Variants in CLYBL observed in about 807,000 individuals in gnomAD.
The protein encoded by CLYBL is citramalyl-CoA lyase, mitochondrial.
A neutral mutation model predicts 38.9 loss-of-function variants in CLYBL; 31 were observed. That is an observed-to-expected ratio of 0.80 (90% CI 0.60 to 1.08). The LOEUF (loss-of-function observed/expected upper bound fraction) is 1.08, where lower values mean the gene tolerates loss of function less well. Among genes scored for constraint, CLYBL ranks in the 50% least tolerant of loss-of-function variants. CLYBL has a pLI of 0.00. For synonymous variants in CLYBL, 171 were observed against 158.6 expected, an observed-to-expected ratio of 1.08 and a Z score of -0.59; for missense variants, 434 against 411.6, an observed-to-expected ratio of 1.05 and a Z score of -0.47.
intron 2 of CLYBL, among the ~76,000 whole-genome samples, chr13:99,812,037 T>C (rs373793300): frequency 7.2e-5 from 11 of 152,342 alleles, no homozygotes; most frequent in African/African-American, 2.4e-4. Flanking sequence ...AAAAGTTTTA[T>C]TATTAAGTTT....
chr13:99,828,127 A>G (rs1462212566), intron 2 of CLYBL, among the ~76,000 whole-genome samples: 1 of 152,202 alleles, frequency 6.6e-6, no homozygotes, highest in Non-Finnish European at 1.5e-5. Flanking sequence ...AAATAACACC[A>G]TAGAGTTTTT....
chr13:99,745,207 T>TA (rs2048827944), intron 1 of CLYBL, among the ~76,000 whole-genome samples: 1 of 152,254 alleles, frequency 6.6e-6, no homozygotes, highest in African/African-American at 2.4e-5. Flanking sequence ...TTGCCATTGT[T>TA]ACAGAAAATG....
chr13:99,692,171 C>T (rs1288973519), intron 1 of CLYBL, among the ~76,000 whole-genome samples: 3 of 152,256 alleles, frequency 2.0e-5, no homozygotes, highest in Non-Finnish European at 2.9e-5. Context: ...ATTACATATG[C>T]CAGCCCTGCC....
rs2052182809 is a variant in CLYBL, at chr13:99,880,721, C to G, written c.927+9659C>G. The stretch of plus-strand genomic sequence containing the variant: ...GAGAAGATGATCCCCCATGCCTGCT[C>G]AGACCATCACTGACCTGGCAGGTGG... On this transcript the variant is annotated intron_variant, in intron 7 of 8. Transcript: ENST00000339105. Among the ~76,000 whole-genome samples the G allele has an allele frequency of 2.0e-5, 3 of 152,252 alleles. No individual in the cohort carries two copies. In the South Asian group the frequency reaches 6.2e-4, roughly 32 times the overall value.
intron 2 of CLYBL, among the ~76,000 whole-genome samples, chr13:99,808,237 C>G (rs930591127): frequency 6.6e-6 from 1 of 152,146 alleles, no homozygotes; most frequent in Admixed American, 6.5e-5. Flanking sequence ...AGGCCCACAC[C>G]CCCACTCCAG....
chr13:99,772,297 C>T (rs2049412443), intron 1 of CLYBL, among the ~76,000 whole-genome samples: 1 of 152,114 alleles, frequency 6.6e-6, no homozygotes, highest in Non-Finnish European at 1.5e-5. Flanking sequence ...GTAAACAGTC[C>T]TATCTATTTT....
chr13:99,884,712 A>G, intron 7 of CLYBL, among the ~76,000 whole-genome samples: 1 of 152,310 alleles, frequency 6.6e-6, no homozygotes, highest in East Asian at 1.9e-4. Flanking sequence ...TAGGCTCTGC[A>G]TCCATGTCAA....
chr13:99,720,376 T>A (rs1360329096), intron 1 of CLYBL, among the ~76,000 whole-genome samples: 1 of 151,284 alleles, frequency 6.6e-6, no homozygotes, highest in Non-Finnish European at 1.5e-5. Flanking sequence ...TTTTGGTTCA[T>A]TTTTTTTTCA....
intron 5 of CLYBL, 148 bp from the exon 6 acceptor site, chr13:99,866,092 C>A: frequency 1.3e-6 from 1 of 778,084 alleles, no homozygotes; most frequent in South Asian, 1.7e-5. Flanking sequence ...GCGTCCCTGT[C>A]TTCATTTGTA....
chr13:99,679,383 A>G (rs1484577126), intron 1 of CLYBL, among the ~76,000 whole-genome samples: 1 of 152,162 alleles, frequency 6.6e-6, no homozygotes, highest in East Asian at 1.9e-4. Flanking sequence ...CCCTGGATAC[A>G]TGTCAGAAAA....
rs116404911 is a variant in CLYBL at position 99,622,156 on chromosome 13, C to G, written c.62+15399C>G. On this transcript the variant is annotated intron_variant, in intron 1 of 8. Coordinates refer to ENST00000339105, the MANE Select transcript of CLYBL (RefSeq NM_206808.5). ...TCTGCCACCCTTTTCCACTTAGAAG[C>G]ACCCTTGTGATTACGTTGGCCCCAC... Among the ~76,000 whole-genome samples, 781 of 152,366 alleles carry G rather than the reference C, an allele frequency of 5.1e-3. 5 individuals carry two copies. Among genetic ancestry groups the G allele is most frequent in the African/African-American group, 0.018 (741 of 41,580 alleles).
At chr13:99,609,142 C>G (rs1245457751) in intron 1 of CLYBL, among the ~76,000 whole-genome samples, 1 of 140,170 alleles carries the variant, frequency 7.1e-6, no homozygotes, top group Non-Finnish European at 1.5e-5. Flanking sequence ...GTTCCTCAGG[C>G]TGGACAATGT....
intron 1 of CLYBL, among the ~76,000 whole-genome samples, chr13:99,624,153 C>T (rs531197159): frequency 1.3e-5 from 2 of 152,134 alleles, no homozygotes; most frequent in Admixed American, 6.5e-5. Context: ...CTCAGAGCAC[C>T]CCGTTCTTCA....
chr13:99,754,952 C>T (rs2049033389), intron 1 of CLYBL, among the ~76,000 whole-genome samples: 1 of 150,928 alleles, frequency 6.6e-6, no homozygotes, highest in Non-Finnish European at 1.5e-5. Context: ...GGCTGAAGTG[C>T]AGTGGCGCAA....
intron 1 of CLYBL, among the ~76,000 whole-genome samples, chr13:99,694,691 A>G (rs181901977): frequency 6.6e-6 from 1 of 152,128 alleles, no homozygotes; most frequent in Non-Finnish European, 1.5e-5. Flanking sequence ...GCTTTCTGAG[A>G]TCTGTGTGTC....
intron 1 of CLYBL, among the ~76,000 whole-genome samples, chr13:99,674,122 T>A (rs975127152): frequency 3.3e-5 from 5 of 151,808 alleles, no homozygotes; most frequent in South Asian, 2.1e-4. Context: ...AGAATTCGTT[T>A]TTTTTTAGCT....
intron 2 of CLYBL, among the ~76,000 whole-genome samples, chr13:99,824,365 T>C (rs760049131): frequency 6.6e-6 from 1 of 151,322 alleles, no homozygotes; most frequent in African/African-American, 2.4e-5. Flanking sequence ...ATATGTATTA[T>C]AGCATAAGAA....
chr13:99,781,344 C>T (rs185388264), intron 2 of CLYBL, among the ~76,000 whole-genome samples: 37 of 151,300 alleles, frequency 2.4e-4, no homozygotes, highest in African/African-American at 9.0e-4. Context: ...CTAATTTTTT[C>T]TATTTTTAGT....
At chr13:99,634,638 AT>A (rs2046993806) in intron 1 of CLYBL, among the ~76,000 whole-genome samples, 1 of 151,474 alleles carries the variant, frequency 6.6e-6, no homozygotes, top group South Asian at 2.1e-4. Flanking sequence ...TCATTTGAAT[AT>A]TTTTTAATGT....
Sources: gnomAD v4.1 joint callset for allele counts (sites outside exome capture counted in the v4.1 genomes callset) on GRCh38, gnomAD v4.1.1 for gene constraint, MANE v1.5 for transcripts, NCBI Gene and HGNC (gene_info 2026-07-23, HGNC 2026-07-21) for gene names.